RNF43: variants seen among roughly 807,000 people sequenced by gnomAD.
RNF43 encodes the protein E3 ubiquitin-protein ligase RNF43.
Under a neutral mutation model 78.4 loss-of-function variants are expected in RNF43, and 37 were observed. The observed-to-expected ratio is 0.47, with a 90% CI of 0.36 to 0.62. The LOEUF is 0.62. Ranked by LOEUF, RNF43 falls within the 20% of genes least tolerant of loss-of-function variation. The probability of loss-of-function intolerance (pLI) is 0.00; values close to 1 mark genes in which losing one functional copy is unlikely to be tolerated. For missense variants in RNF43, 774 were observed against 1,007.9 expected (o/e 0.77, Z 3.14); for synonymous variants, 347 against 395.0 (o/e 0.88, Z 1.44).
rs1464788583 is a variant in RNF43, at chr17:58,354,229, C to CT, written c.*713dup. The CT allele has an allele frequency of 1.5e-5, 3 of 202,738 alleles. No homozygotes were observed. Among genetic ancestry groups the CT allele is most frequent in the African/African-American group, 6.9e-5 (3 of 43,614 alleles). The allele number at this position is 202,738 out of a possible 1,614,324, so 12.6% of individuals were successfully genotyped here. A position where few individuals can be genotyped will look rare whatever the true frequency, so the allele number is the denominator to read the frequency against. ...TCCTCCTTTCTACCTCTCTGGGACT[C>CT]TGAGACAGGAAATCTTCAAGGAGGA... On this transcript the variant is annotated 3_prime_UTR_variant, in exon 10 of 10. Transcript: ENST00000407977.
chr17:58,368,937 T>A (rs1053874690), intron 3 of RNF43, among the ~76,000 whole-genome samples: 2 of 152,090 alleles, frequency 1.3e-5, no homozygotes, highest in African/African-American at 4.8e-5. Flanking sequence ...AGAGGTCCTG[T>A]GAGGTAGCAG....
rs1448040339 is a variant in RNF43 at position 58,358,561 on chromosome 17, C to T, written c.1215G>A (p.Leu405=). 1.1e-5 allele frequency: 18 copies of T among 1,607,660 alleles called. No individual in the cohort carries two copies. The highest frequency in any genetic ancestry group is 1.5e-5 in the Non-Finnish European group (18 of 1,176,608). Residue 405 remains leucine, a synonymous_variant, in exon 9 of 10, where the codon CTG becomes CTA. Coordinates refer to ENST00000407977, the MANE Select transcript of RNF43 (RefSeq NM_017763.6). This position sits in a 1 kb window ranked among gnomAD's most constrained non-coding sequence, Gnocchi z 6.2. Reference sequence around the variant, plus strand: ...GTGCATAGGGGTGCTGGGCTCCTGCCAGGCGCTGCTGCTCTCCTGGAGCCC... The same window carrying T: ...GTGCATAGGGGTGCTGGGCTCCTGCTAGGCGCTGCTGCTCTCCTGGAGCCC... ...HPRAPGEQQR[L]AGAQHPYAQG... is the part of the protein sequence containing the mutation.
intron 2 of RNF43, among the ~76,000 whole-genome samples, chr17:58,399,697 A>G (rs1973754706): frequency 1.3e-5 from 2 of 151,064 alleles, no homozygotes; most frequent in African/African-American, 4.9e-5. Context: ...GCTGGAGTGC[A>G]GTGGTGCCAT....
At chr17:58,377,361 C>G (rs1973224571) in intron 2 of RNF43, among the ~76,000 whole-genome samples, 1 of 152,148 alleles carries the variant, frequency 6.6e-6, no homozygotes, top group African/African-American at 2.4e-5. Flanking sequence ...CTTTGGTAAT[C>G]AACAGTGCTT....
rs776163205 is a variant in RNF43, at chr17:58,358,400, G to T, written c.1376C>A (p.Ala459Glu). Residue 459 changes from alanine (A) to glutamate (E), a missense_variant, in exon 9 of 10, where the codon GCA (alanine) becomes GAA (glutamate). Transcript: ENST00000407977. This position sits in a 1 kb window ranked among gnomAD's most constrained non-coding sequence, Gnocchi z 6.2. ...SYCTERSGYL[A>E]DGPASDSSSG... ...GCTGGAGTCACTGGCTGGCCCATCT[G>T]CCAGGTACCCACTGCGTTCTGTGCA... 3 of 1,613,970 alleles carry T rather than the reference G, an allele frequency of 1.9e-6. No individual in the cohort carries two copies. The African/African-American group carries it at 4.0e-5, about 22-fold the overall frequency.
At chr17:58,380,761 G>A (rs1973296201) in intron 2 of RNF43, among the ~76,000 whole-genome samples, 1 of 152,198 alleles carries the variant, frequency 6.6e-6, no homozygotes, top group Non-Finnish European at 1.5e-5. Context: ...CAGTGCAAGA[G>A]TGCGAAATAG....
rs372264788 is a variant in RNF43 at position 58,360,266 on chromosome 17, G to A, written c.850-15C>T. 2.5e-6 allele frequency: 4 copies of A among 1,605,870 alleles called. No individual in the cohort carries two copies. In the South Asian group the frequency reaches 4.4e-5, roughly 18 times the overall value. On this transcript the variant is annotated splice_polypyrimidine_tract_variant and intron_variant, in intron 7 of 9. Transcript: ENST00000407977. This position sits in a 1 kb window ranked among gnomAD's most constrained non-coding sequence, Gnocchi z 4.3. ...ACCCGTAGCTCCTGGAGAAAAAGAG[G>A]GGGTCCAAACCAAAGGCTTCTGTAG...
intron 2 of RNF43, chr17:58,394,769 C>T (rs897819837): frequency 1.3e-5 from 2 of 152,222 alleles, no homozygotes; most frequent in Non-Finnish European, 2.9e-5. Flanking sequence ...AGTTACCTCT[C>T]CAGTAACTGG....
At chr17:58,398,112 T>C (rs1973723326) in intron 2 of RNF43, among the ~76,000 whole-genome samples, 1 of 152,210 alleles carries the variant, frequency 6.6e-6, no homozygotes. Flanking sequence ...TCCACTTATA[T>C]TAATTTTGCC....
downstream of RNF43, chr17:58,352,851 A>G (rs184786665): frequency 7.0e-4 from 153 of 218,814 alleles, 1 homozygote; most frequent in African/African-American, 3.3e-3. Flanking sequence ...ACTAAAGACC[A>G]TTTGTAGGAG....
intron 2 of RNF43, among the ~76,000 whole-genome samples, chr17:58,392,082 T>C (rs1414428508): frequency 1.3e-5 from 2 of 152,196 alleles, no homozygotes; most frequent in Non-Finnish European, 2.9e-5. Flanking sequence ...AATGGACTAA[T>C]TATTATGGGG....
intron 2 of RNF43, among the ~76,000 whole-genome samples, chr17:58,379,241 A>G (rs1240972713): frequency 6.6e-6 from 1 of 151,878 alleles, no homozygotes; most frequent in Non-Finnish European, 1.5e-5. Flanking sequence ...CATTTCTAGA[A>G]TTTTCAAACT....
rs1017343030 is a variant in RNF43 at position 58,363,587 on chromosome 17, C to G, written c.389G>C (p.Gly130Ala). 1 of 1,611,388 alleles carries G rather than the reference C, an allele frequency of 6.2e-7. No individual in the cohort carries two copies. The highest frequency in any genetic ancestry group is 8.5e-7 in the Non-Finnish European group (1 of 1,178,142). ...LSLASKARMA[G>A]ERGASAVLFD... ...GAGGACAGCACTGGCTCCTCGCTCACCCGCCATCCGAGCCTGCAGAGGCAC... is the reference window on the plus strand; with the variant it reads ...GAGGACAGCACTGGCTCCTCGCTCAGCCGCCATCCGAGCCTGCAGAGGCAC... Residue 130 changes from glycine to alanine, a missense_variant, in exon 4 of 10, where the codon GGT (glycine) becomes GCT (alanine). Physicochemically the swap from Gly to Ala is moderately conservative, Grantham distance 60. Transcript: ENST00000407977.
At chr17:58,414,783 C>A (rs901244346) in intron 2 of RNF43, among the ~76,000 whole-genome samples, 1 of 152,170 alleles carries the variant, frequency 6.6e-6, no homozygotes, top group African/African-American at 2.4e-5. Context: ...ATTTTGTAAT[C>A]CAGTCCTCTC....
rs746762909 is a variant in RNF43, at chr17:58,360,217, T to C, written c.884A>G (p.His295Arg). ...TAACCAGGGGTCCACACAGTTACGA[T>C]GGAACTCATGGAGGCAGGAAATGAC... ...LRVISCLHEF[H>R]RNCVDPWLHQ... is the part of the protein sequence containing the mutation. Residue 295 changes from histidine (H) to arginine (R), a missense_variant, in exon 8 of 10, where the codon CAT becomes CGT. By Grantham distance (29) the His-to-Arg change is conservative. Coordinates refer to ENST00000407977, the MANE Select transcript of RNF43 (RefSeq NM_017763.6). This position sits in a 1 kb window ranked among gnomAD's most constrained non-coding sequence, Gnocchi z 4.3. The C allele has an allele frequency of 2.5e-6, 4 of 1,613,970 alleles. No individual in the cohort carries two copies. The highest frequency in any genetic ancestry group is 1.3e-5 in the African/African-American group (1 of 74,904).
chr17:58,406,312 C>T (rs541780910), intron 2 of RNF43, among the ~76,000 whole-genome samples: 1 of 152,224 alleles, frequency 6.6e-6, no homozygotes, highest in African/African-American at 2.4e-5. Context: ...AATAAATAAA[C>T]TATGCTAAAA....
chr17:58,359,564 A>G (rs1345076035), intron 8 of RNF43, among the ~76,000 whole-genome samples: 3 of 151,766 alleles, frequency 2.0e-5, no homozygotes, highest in African/African-American at 4.8e-5. Flanking sequence ...AGATCGCGCC[A>G]CTGCACTCCA....
At chr17:58,380,390 T>G (rs1973288429) in intron 2 of RNF43, among the ~76,000 whole-genome samples, 1 of 152,200 alleles carries the variant, frequency 6.6e-6, no homozygotes, top group African/African-American at 2.4e-5. Context: ...TTCTGAGGCA[T>G]GGTCTTAACT....
At position 58,415,908 on chromosome 17, in the gene RNF43, G is replaced by T; in HGVS notation, c.-331C>A. On this transcript the variant is annotated 5_prime_UTR_variant, in exon 2 of 10. Transcript: ENST00000407977. ...TGATTGAATGTCACTTCGTGAATTT[G>T]TATTATGTCAGATCACTTGGCATTG... 2.5e-6 allele frequency: 1 copy of T among 404,444 alleles called. No individual in the cohort carries two copies. The highest frequency in any genetic ancestry group is 4.6e-6 in the Non-Finnish European group (1 of 219,208). The allele number at this position is 404,444 out of a possible 1,614,324, so 25.1% of individuals were successfully genotyped here. A position where few individuals can be genotyped will look rare whatever the true frequency, so the allele number is the denominator to read the frequency against.
Sources: allele counts gnomAD v4.1 joint callset (sites outside exome capture counted in the v4.1 genomes callset), GRCh38; gene constraint gnomAD v4.1.1; non-coding constraint Gnocchi (gnomAD v3.1); transcripts MANE v1.5; gene names NCBI Gene and HGNC (gene_info 2026-07-23, HGNC 2026-07-21).